Variants in PDE6A observed in about 807,000 individuals in gnomAD.
PDE6A encodes the protein phosphodiesterase 6A, also known as rod cGMP-specific 3',5'-cyclic phosphodiesterase subunit alpha.
A neutral mutation model predicts 106.3 loss-of-function variants in PDE6A; 84 were observed. The ratio of observed to expected loss-of-function variants is 0.79; its 90% confidence interval spans 0.66 to 0.95. PDE6A has a LOEUF of 0.95. PDE6A is among the 40% of genes least tolerant of loss of function. The pLI is 0.00. For synonymous variants in PDE6A, 394 were observed against 386.6 expected, an observed-to-expected ratio of 1.02 and a Z score of -0.23; for missense variants, 1,052 against 1,084.9, an observed-to-expected ratio of 0.97 and a Z score of 0.43.
At chr5:149,914,688 C>T (rs1753497614) in intron 6 of PDE6A, among the ~76,000 whole-genome samples, 1 of 147,974 alleles carries the variant, frequency 6.8e-6, no homozygotes, top group Non-Finnish European at 1.5e-5. Context: ...AGTAACCTGA[C>T]ATTAATCAGT....
In PDE6A at chr5:149,903,661, A is replaced by C; in HGVS notation, c.1100T>G (p.Phe367Cys). The C allele has an allele frequency of 6.2e-7, 1 of 1,613,832 alleles. No homozygotes were observed. Among genetic ancestry groups the C allele is most frequent in the Non-Finnish European group, 8.5e-7 (1 of 1,179,730 alleles). ...CNIMNAPAED[F>C]FAFQKEPLDE... ...AAAATGACTTACCTGAAATGCAAAAAAGTCCTCCGCAGGCGCATTCATGAT... is the reference window on the plus strand; with the variant it reads ...AAAATGACTTACCTGAAATGCAAAACAGTCCTCCGCAGGCGCATTCATGAT... The change falls in exon 8 of 22, where the codon TTT becomes TGT. Residue 367 changes from phenylalanine to cysteine, a missense_variant. Physicochemically the swap from Phe to Cys is radical, Grantham distance 205 (BLOSUM62 -2). Transcript: ENST00000255266.
intron 10 of PDE6A, among the ~76,000 whole-genome samples, chr5:149,897,910 G>A (rs1752817428): frequency 6.6e-6 from 1 of 152,154 alleles, no homozygotes; most frequent in Admixed American, 6.5e-5. Context: ...TAAGTGAGCT[G>A]ACCCCACAGG....
At chr5:149,922,082 T>C (rs1262935032) in intron 4 of PDE6A, among the ~76,000 whole-genome samples, 4 of 152,086 alleles carry the variant, frequency 2.6e-5, no homozygotes, top group South Asian at 2.1e-4. Flanking sequence ...TCATTTATAG[T>C]AGTGAAAAAT....
At chr5:149,887,867 A>T (rs753548874) in intron 13 of PDE6A, among the ~76,000 whole-genome samples, 61 of 152,138 alleles carry the variant, frequency 4.0e-4, no homozygotes, top group Non-Finnish European at 7.3e-4. Context: ...AAGTACCACC[A>T]GCCTGTAAGC....
chr5:149,943,867 T>A (rs1483808199), intron 1 of PDE6A, among the ~76,000 whole-genome samples: 1 of 152,124 alleles, frequency 6.6e-6, no homozygotes, highest in East Asian at 1.9e-4. Context: ...GATGGGAGCA[T>A]CGCCAGTACT....
At chr5:149,889,770 G>A (rs144828713) in intron 13 of PDE6A, among the ~76,000 whole-genome samples, 265 of 151,866 alleles carry the variant, frequency 1.7e-3, no homozygotes, top group Middle Eastern at 3.4e-3. Context: ...AGCTTGGCCC[G>A]GTGGCACGCA....
At chr5:149,902,432 T>C (rs1370193574) in intron 8 of PDE6A, among the ~76,000 whole-genome samples, 1 of 151,910 alleles carries the variant, frequency 6.6e-6, no homozygotes, top group African/African-American at 2.4e-5. Context: ...TATGCTTGTC[T>C]GGCCCACCAC....
At chr5:149,941,092 G>A (rs1561792567) in intron 1 of PDE6A, among the ~76,000 whole-genome samples, 1 of 152,166 alleles carries the variant, frequency 6.6e-6, no homozygotes, top group African/African-American at 2.4e-5. Flanking sequence ...GCCGTAATGG[G>A]ACAAACATTC....
chr5:149,896,801 G>GAA, intron 10 of PDE6A, 25 bp from the exon 11 acceptor site: 1 of 1,609,676 alleles, frequency 6.2e-7, no homozygotes. Context: ...AATGGCAGGG[G>GAA]AAAAAAAATA....
chr5:149,863,415 C>T lies in PDE6A; in HGVS notation c.2359-149G>A, dbSNP rs1001515278. The T allele has an allele frequency of 5.2e-5, 40 of 769,902 alleles. No individual in the cohort carries two copies. The highest frequency in any genetic ancestry group is 3.4e-4 in the Middle Eastern group (1 of 2,918). The allele number at this position is 769,902 out of a possible 1,614,324, so 47.7% of individuals were successfully genotyped here. A position where few individuals can be genotyped will look rare whatever the true frequency, so the allele number is the denominator to read the frequency against. ...CACCGTGCTGATACTGCAGGGCCTC[C>T]GGTCTACACCAGCCCATGCCTCACC... On this transcript the variant is annotated intron_variant, in intron 20 of 21. Transcript: ENST00000255266. This position sits in a 1 kb window ranked among gnomAD's most constrained non-coding sequence, Gnocchi z 4.7.
At chr5:149,925,746 T>C (rs141013395) in intron 4 of PDE6A, among the ~76,000 whole-genome samples, 163 of 142,706 alleles carry the variant, frequency 1.1e-3, no homozygotes, top group African/African-American at 3.8e-3. Context: ...TAATAGAAGA[T>C]GGATCGAAGA....
At chr5:149,939,722 G>A (rs1754277152) in intron 1 of PDE6A, among the ~76,000 whole-genome samples, 1 of 152,070 alleles carries the variant, frequency 6.6e-6, no homozygotes, top group South Asian at 2.1e-4. Context: ...GATTTGCCAA[G>A]GCCACATTCT....
intron 6 of PDE6A, among the ~76,000 whole-genome samples, chr5:149,911,119 G>C (rs763168297): frequency 1.2e-4 from 18 of 151,876 alleles, no homozygotes; most frequent in Admixed American, 3.3e-4. Context: ...GAGCTCAAGG[G>C]ATCTGCCTAC....
At chr5:149,880,959 A>C (rs1478377708) in intron 17 of PDE6A, among the ~76,000 whole-genome samples, 1 of 152,062 alleles carries the variant, frequency 6.6e-6, no homozygotes, top group Non-Finnish European at 1.5e-5. Flanking sequence ...GCTACTGTGG[A>C]GGCTGAGGCA....
chr5:149,927,510 T>G (rs576101253), intron 4 of PDE6A, among the ~76,000 whole-genome samples: 1 of 152,294 alleles, frequency 6.6e-6, no homozygotes, highest in South Asian at 2.1e-4. Flanking sequence ...ACTCCTGGTC[T>G]CAAGCGATTC....
chr5:149,931,092 G>C lies in PDE6A; in HGVS notation c.794C>G (p.Thr265Arg), dbSNP rs1754021307. The stretch of plus-strand genomic sequence containing the variant: ...GTCACAGTTGAGGAAAGCACGGACT[G>C]TGTACAGGGCTTTGTGGAACTGTCG... ...IERQFHKALY[T>R]VRAFLNCDRY... Residue 265 changes from threonine (T) to arginine (R), a missense_variant, in exon 4 of 22, where the codon ACA (threonine) becomes AGA (arginine). Physicochemically the swap from Thr to Arg is moderately conservative, Grantham distance 71 (BLOSUM62 -1). Around this residue, in one of 3 missense-constraint regions of PDE6A, gnomAD observed 913 missense variants for 915.2 expected, o/e 1.00. Coordinates refer to ENST00000255266, the MANE Select transcript of PDE6A (RefSeq NM_000440.3). 1 of 1,613,936 alleles carries C rather than the reference G, an allele frequency of 6.2e-7. No individual in the cohort carries two copies. The highest frequency in any genetic ancestry group is 8.5e-7 in the Non-Finnish European group (1 of 1,179,778).
intron 17 of PDE6A, among the ~76,000 whole-genome samples, chr5:149,870,771 CAAA>C (rs3078093): frequency 0.01 from 670 of 64,386 alleles, 7 homozygotes; most frequent in African/African-American, 0.038. Flanking sequence ...GAACACAGGG[CAAA>C]AAAAAAAAAA....
At chr5:149,916,558 A>G (rs1455380383) in intron 5 of PDE6A, among the ~76,000 whole-genome samples, 3 of 152,060 alleles carry the variant, frequency 2.0e-5, no homozygotes, top group African/African-American at 4.8e-5. Context: ...GCCTCCTTGC[A>G]TTGTTAAAAT....
intron 6 of PDE6A, among the ~76,000 whole-genome samples, chr5:149,908,553 T>C (rs531240686): frequency 5.3e-5 from 8 of 152,370 alleles, no homozygotes; most frequent in African/African-American, 1.7e-4. Context: ...CATATTTCTC[T>C]ACAAAATTAA....
Sources: allele counts gnomAD v4.1 joint callset (sites outside exome capture counted in the v4.1 genomes callset), GRCh38; gene constraint gnomAD v4.1.1; regional missense constraint gnomAD v4.1.1; non-coding constraint Gnocchi (gnomAD v3.1); transcripts MANE v1.5; gene names NCBI Gene and HGNC (gene_info 2026-07-23, HGNC 2026-07-21).